NBPF10: variants seen among roughly 807,000 people sequenced by gnomAD.
The protein encoded by NBPF10 is NBPF family member NBPF10.
Under a neutral mutation model 77.9 loss-of-function variants are expected in NBPF10, and 63 were observed. The ratio of observed to expected loss-of-function variants is 0.81; its 90% CI spans 0.66 to 1.00. The LOEUF is 1.00. NBPF10 is among the 50% of genes least tolerant of loss of function. The pLI is 0.00. For missense variants in NBPF10, 522 were observed against 679.8 expected, an observed-to-expected ratio of 0.77 and a Z score of 2.58; for synonymous variants, 146 against 264.5, an observed-to-expected ratio of 0.55 and a Z score of 4.35.
chr1:146,142,579 C>G, intron 2 of NBPF10, 71 bp downstream of exon 2: 1 of 779,032 alleles, frequency 1.3e-6, no homozygotes, highest in Non-Finnish European at 2.1e-6. Context: ...TCTTACTTCT[C>G]CCCGCCGAGC....
At chr1:146,064,776 T>A (rs1214623325) in exon 90 of NBPF10, 1 of 71,162 alleles carries the variant, frequency 1.4e-5, no homozygotes, top group African/African-American at 5.5e-5. Context: ...TAACACTGAA[T>A]GTAAAAAACA....
chr1:146,069,665 G>C lies in NBPF10; in HGVS notation c.10688C>G (p.Ser3563Ter), dbSNP rs782175402. 33 of 1,336,988 alleles carry C rather than the reference G, an allele frequency of 2.5e-5. No individual in the cohort carries two copies. Among genetic ancestry groups the C allele is most frequent in the Non-Finnish European group, 3.4e-5 (32 of 944,502 alleles). The allele number at this position is 1,336,988 out of a possible 1,614,324, so 82.8% of individuals were successfully genotyped here. A position where few individuals can be genotyped will look rare whatever the true frequency, so the allele number is the denominator to read the frequency against. ...AGGAGTTGAATAACATCTATCCAGT[G>C]AGTCCTGCAAGACTTCAGGCCCTTT... Residue 3563 changes from serine (S) to a stop codon, truncating the protein, a stop_gained, in exon 86 of 90, where the codon TCA becomes TGA. Transcript: ENST00000583866. LOFTEE classifies it high-confidence loss of function.
chr1:146,142,692 T>A lies in NBPF10; in HGVS notation c.236A>T (p.Glu79Val), dbSNP rs587725638. The A allele has an allele frequency of 1.4e-5, 19 of 1,361,606 alleles. 3 individuals are homozygous for A. The African/African-American group carries it at 2.4e-4, about 17-fold the overall frequency. The allele number at this position is 1,361,606 out of a possible 1,614,324, so 84.3% of individuals were successfully genotyped here. The change falls in exon 2 of 90, where the codon GAG (glutamate) becomes GTG (valine). Residue 79 changes from glutamate to valine, a missense_variant. Transcript: ENST00000583866. ...CTTCAGCTGCTCTGCAAGCTTCTCCTCCTTGAACTGTCGCTCATTCCTCAG... is the reference window on the plus strand; with the variant it reads ...CTTCAGCTGCTCTGCAAGCTTCTCCACCTTGAACTGTCGCTCATTCCTCAG...
chr1:146,067,795 G>C (rs1207192745), intron 88 of NBPF10, among the ~76,000 whole-genome samples: 1 of 151,916 alleles, frequency 6.6e-6, no homozygotes, highest in South Asian at 2.1e-4. Context: ...GGTATGGCCT[G>C]AGACTAGGAA....
intron 14 of NBPF10, among the ~76,000 whole-genome samples, chr1:146,125,721 A>G (rs587775357): frequency 2.2e-5 from 3 of 133,904 alleles, no homozygotes; most frequent in Non-Finnish European, 3.2e-5. Context: ...AAAATTCCCT[A>G]TTCTGGTAGA....
intron 71 of NBPF10, among the ~76,000 whole-genome samples, chr1:146,081,028 CACAGAGAG>C (rs1656265876): frequency 4.7e-5 from 3 of 63,198 alleles, no homozygotes; most frequent in Admixed American, 1.8e-4. Context: ...CACACACACA[CACAGAGAG>C]AGAGAGAGAG....
At chr1:146,067,423 G>A (rs1443864461) in intron 88 of NBPF10, 135 bp from the exon 89 acceptor site, 2 of 337,286 alleles carry the variant, frequency 5.9e-6, no homozygotes, top group Admixed American at 1.1e-4. Context: ...ATATATTTCA[G>A]GAGGCCTGAA....
chr1:146,125,943 T>G lies in NBPF10; in HGVS notation c.2026+293A>C, dbSNP rs76619606. Among the ~76,000 whole-genome samples the G allele has an allele frequency of 6.8e-3, 1,037 of 151,700 alleles. 23 individuals carry two copies. The highest frequency in any genetic ancestry group is 0.011 in the Non-Finnish European group (734 of 67,832). ...TGAAATCTACAAGATCTACAAAATT[T>G]AGACAAAATCAGAGTTGTGTGAATT... is the stretch of plus-strand genomic sequence containing the variant. On this transcript the variant is annotated intron_variant, in intron 14 of 89. Transcript: ENST00000583866.
chr1:146,139,116 T>G (rs1480950262), intron 5 of NBPF10, among the ~76,000 whole-genome samples: 1 of 113,282 alleles, frequency 8.8e-6, no homozygotes, highest in Non-Finnish European at 1.9e-5. Context: ...TTTTTTTTTT[T>G]TGAGATGGAG....
At chr1:146,126,089 C>A (rs373813792) in intron 14 of NBPF10, 147 bp downstream of exon 14, 3 of 645,410 alleles carry the variant, frequency 4.6e-6, no homozygotes, top group Non-Finnish European at 5.6e-6. Context: ...CCAAGTGGAA[C>A]TAGAGTTTCA....
Position 146,067,114 on chromosome 1 carries a change from T to C in NBPF10, c.11144+66A>G, listed in dbSNP as rs1165467540. ...AAACATGTCATCAAACACACTCTGG[T>C]TTCCCTGAATCTGTTGCCTCCAGGT... On this transcript the variant is annotated intron_variant, in intron 89 of 89. Transcript: ENST00000583866. 1.2e-4 allele frequency: 74 copies of C among 624,126 alleles called. 8 individuals carry two copies. The highest frequency in any genetic ancestry group is 2.0e-4 in the Non-Finnish European group (67 of 338,414). The allele number at this position is 624,126 out of a possible 1,614,324, so 38.7% of individuals were successfully genotyped here. A position where few individuals can be genotyped will look rare whatever the true frequency, so the allele number is the denominator to read the frequency against.
At chr1:146,129,324 T>C (rs1407491908) in intron 11 of NBPF10, among the ~76,000 whole-genome samples, 2 of 148,472 alleles carry the variant, frequency 1.3e-5, no homozygotes, top group Non-Finnish European at 3.0e-5. Context: ...CTGAAAACCA[T>C]GGCACGAGAA....
chr1:146,126,634 C>CAG (rs1658723315), intron 13 of NBPF10, among the ~76,000 whole-genome samples: 2 of 135,218 alleles, frequency 1.5e-5, no homozygotes, highest in African/African-American at 5.2e-5. Flanking sequence ...CACACACACA[C>CAG]AGAGCGAGCT....
chr1:146,066,769 GAC>G (rs1436154049), intron 89 of NBPF10, among the ~76,000 whole-genome samples: 1 of 151,034 alleles, frequency 6.6e-6, no homozygotes, highest in African/African-American at 2.4e-5. Flanking sequence ...GAGAGAGAGA[GAC>G]AGAGACAGAG....
chr1:146,136,076 G>A (rs1371086707), intron 7 of NBPF10, among the ~76,000 whole-genome samples: 2 of 148,740 alleles, frequency 1.3e-5, no homozygotes, highest in African/African-American at 5.0e-5. Flanking sequence ...GAATGCTGCT[G>A]TGTGGTTCAC....
exon 9 of NBPF10, chr1:146,134,243 T>G (rs1553794024): frequency 1.9e-6 from 3 of 1,600,068 alleles, no homozygotes; most frequent in Non-Finnish European, 2.5e-6. Context: ...CTTGAACATC[T>G]TCATCGTCAT....
chr1:146,139,253 C>T (rs1245920566), intron 5 of NBPF10, among the ~76,000 whole-genome samples: 1 of 149,860 alleles, frequency 6.7e-6, no homozygotes, highest in Non-Finnish European at 1.5e-5. Context: ...GCGCCCACCA[C>T]CACGCCCAGC....
chr1:146,121,860 C>G (rs1466986215), intron 19 of NBPF10, among the ~76,000 whole-genome samples, 190 bp from the exon 20 acceptor site: 4 of 141,862 alleles, frequency 2.8e-5, no homozygotes, highest in East Asian at 2.2e-4. Flanking sequence ...AAGAGAAAGA[C>G]AGAGAGAGAG....
At chr1:146,134,400 T>G in intron 8 of NBPF10, 135 bp from the exon 9 acceptor site, 1 of 656,346 alleles carries the variant, frequency 1.5e-6, no homozygotes. Flanking sequence ...GTTTTATCTT[T>G]AACAGAATGC....
Sources: allele counts gnomAD v4.1 joint callset (sites outside exome capture counted in the v4.1 genomes callset), GRCh38; gene constraint gnomAD v4.1.1; transcripts MANE v1.5; gene names NCBI Gene and HGNC (gene_info 2026-07-23, HGNC 2026-07-21).